The following DPT variants were observed in gnomAD, a reference collection of about 807,000 sequenced individuals.
The protein encoded by DPT is tyrosine-rich acidic matrix protein.
DPT carries 21 observed loss-of-function variants against 31.2 expected under a neutral mutation model. The observed-to-expected ratio is 0.67, with a 90% confidence interval of 0.48 to 0.97. DPT has a LOEUF of 0.97. Among genes scored for constraint, DPT ranks in the 50% least tolerant of loss-of-function variants. DPT has a pLI of 0.00. For missense variants in DPT, 262 were observed against 258.8 expected, an observed-to-expected ratio of 1.01 and a Z score of -0.08; for synonymous variants, 91 against 86.9, an observed-to-expected ratio of 1.05 and a Z score of -0.26.
chr1:168,727,099 T>G (rs575842406), intron 1 of DPT, among the ~76,000 whole-genome samples: 1 of 152,224 alleles, frequency 6.6e-6, no homozygotes, highest in Admixed American at 6.5e-5. Flanking sequence ...GAGGAAGAAC[T>G]GCCCTGAATC....
chr1:168,728,335 C>T (rs981150203), intron 1 of DPT, among the ~76,000 whole-genome samples: 13 of 152,170 alleles, frequency 8.5e-5, no homozygotes, highest in Non-Finnish European at 1.2e-4. Flanking sequence ...ATGTCCTTGT[C>T]CCCTCTTTTC....
chr1:168,723,252 T>G (rs1650163534), intron 1 of DPT, among the ~76,000 whole-genome samples: 2 of 152,250 alleles, frequency 1.3e-5, no homozygotes, highest in Non-Finnish European at 1.5e-5. Flanking sequence ...CACTGTGGAA[T>G]CAGGCTGGCT....
In DPT at chr1:168,696,578, C is replaced by A. The variant is rs1649471576; in HGVS notation, c.577G>T (p.Glu193Ter). ...QWKFIMCRMT[E>*]YDCEFANV The stretch of plus-strand genomic sequence containing the variant: ...ACATTTGCAAATTCACAGTCGTATT[C>A]AGTCATCCGGCACATTATGAACTTC... The change falls in exon 4 of 4, where the codon GAA (glutamate) becomes TAA (stop). Residue 193 changes from glutamate to a stop codon, truncating the protein, a stop_gained. Transcript: ENST00000367817. LOFTEE classifies it high-confidence loss of function. 3.1e-6 allele frequency: 5 copies of A among 1,614,066 alleles called. No homozygotes were observed. The highest frequency in any genetic ancestry group is 4.2e-6 in the Non-Finnish European group (5 of 1,179,988).
intron 2 of DPT, among the ~76,000 whole-genome samples, chr1:168,704,008 A>G (rs1328601655): frequency 6.6e-6 from 1 of 152,222 alleles, no homozygotes; most frequent in Non-Finnish European, 1.5e-5. Context: ...AAAAGAATTT[A>G]AACGTTCAGA....
intron 1 of DPT, among the ~76,000 whole-genome samples, chr1:168,727,302 T>C (rs1200978130): frequency 1.3e-5 from 2 of 152,204 alleles, no homozygotes; most frequent in African/African-American, 4.8e-5. Context: ...TTTGTCTACC[T>C]ATAAATGGGA....
Position 168,696,317 on chromosome 1 carries a change from G to T in DPT, c.*232C>A. 1.7e-6 allele frequency: 1 copy of T among 579,592 alleles called. No homozygotes were observed. The highest frequency in any genetic ancestry group is 2.3e-5 in the South Asian group (1 of 43,532). 35.9% of individuals were successfully genotyped at this position (579,592 alleles called of 1,614,324 possible). ...AGGAAGCCATCATCAGTCATATAAA[G>T]CAGTTGCTATGAAACATGTGAAAAG... On this transcript the variant is annotated 3_prime_UTR_variant, in exon 4 of 4. Transcript: ENST00000367817.
rs558625036 is a variant in DPT, at chr1:168,714,456, C to A, written c.306-110G>T. ...CTCTTTCTCTGACCTAGATTCTTAA[C>A]AATTTATTCCATTTTATGCAAATAA... On this transcript the variant is annotated intron_variant, in intron 1 of 3. Coordinates refer to ENST00000367817, the MANE Select transcript of DPT (RefSeq NM_001937.5). The A allele has an allele frequency of 9.2e-6, 12 of 1,299,108 alleles. No individual in the cohort carries two copies. The Admixed American group carries it at 2.4e-4, about 26-fold the overall frequency. The allele number at this position is 1,299,108 out of a possible 1,614,324, so 80.5% of individuals were successfully genotyped here. A position where few individuals can be genotyped will look rare whatever the true frequency, so the allele number is the denominator to read the frequency against.
At chr1:168,712,119 C>A (rs1056704255) in intron 2 of DPT, among the ~76,000 whole-genome samples, 2 of 152,150 alleles carry the variant, frequency 1.3e-5, no homozygotes, top group Non-Finnish European at 2.9e-5. Flanking sequence ...ATTGAAAATA[C>A]AAAGATCAGT....
intron 2 of DPT, among the ~76,000 whole-genome samples, chr1:168,713,128 C>T (rs1649903670): frequency 6.6e-6 from 1 of 152,168 alleles, no homozygotes; most frequent in South Asian, 2.1e-4. Context: ...ATCTTTAGGT[C>T]TTTGGTTCAG....
At chr1:168,728,113 T>C (rs757691502) in intron 1 of DPT, among the ~76,000 whole-genome samples, 1 of 152,110 alleles carries the variant, frequency 6.6e-6, no homozygotes, top group Non-Finnish European at 1.5e-5. Flanking sequence ...CACAAAAAAG[T>C]ACAAGCTCGA....
chr1:168,725,381 C>T (rs556159493), intron 1 of DPT, among the ~76,000 whole-genome samples: 1 of 150,944 alleles, frequency 6.6e-6, no homozygotes, highest in African/African-American at 2.4e-5. Context: ...AATGAGATAC[C>T]GAATGTCACA....
rs181060724 is a variant in DPT, at chr1:168,726,913, G to T, written c.305+1957C>A. ...GGGTGGATGAGAATGGCCCACAAAG[G>T]CTGTCCAAGCAGCCTCCACAGCCCC... is the stretch of plus-strand genomic sequence containing the variant. On this transcript the variant is annotated intron_variant, in intron 1 of 3. Transcript: ENST00000367817. 1.8e-4 allele frequency among the ~76,000 whole-genome samples: 27 copies of T among 152,330 alleles called. No individual in the cohort carries two copies. The East Asian group carries it at 3.7e-3, about 21-fold the overall frequency.
rs536253732 is a variant in DPT at position 168,706,886 on chromosome 1, T to C, written c.432-5762A>G. ...CATTCACTTTGACTCGTGTTGATTT[T>C]CATTAGCCACATTATGTGGTGGTCA... is the stretch of plus-strand genomic sequence containing the variant. On this transcript the variant is annotated intron_variant, in intron 2 of 3. Coordinates refer to ENST00000367817, the MANE Select transcript of DPT (RefSeq NM_001937.5). Among the ~76,000 whole-genome samples the C allele has an allele frequency of 3.9e-5, 6 of 152,340 alleles. 1 individual carries two copies. The South Asian group carries it at 1.2e-3, about 32-fold the overall frequency.
At chr1:168,716,122 A>C (rs1299440323) in intron 1 of DPT, among the ~76,000 whole-genome samples, 1 of 152,240 alleles carries the variant, frequency 6.6e-6, no homozygotes, top group Non-Finnish European at 1.5e-5. Flanking sequence ...TTAGATATTA[A>C]ATATATTACT....
At chr1:168,703,224 C>T (rs1649642454) in intron 2 of DPT, among the ~76,000 whole-genome samples, 1 of 152,176 alleles carries the variant, frequency 6.6e-6, no homozygotes, top group South Asian at 2.1e-4. Context: ...TACAGCAACA[C>T]TGCATTAAGC....
At chr1:168,700,675 T>C (rs951404074) in intron 3 of DPT, among the ~76,000 whole-genome samples, 6 of 152,188 alleles carry the variant, frequency 3.9e-5, no homozygotes, top group Non-Finnish European at 8.8e-5. Context: ...TTTAGGACTC[T>C]CTGCTCTTGA....
intron 1 of DPT, among the ~76,000 whole-genome samples, chr1:168,722,849 AACACACACACACAC>A (rs10585221): frequency 0.12 from 18,405 of 149,780 alleles, 1,743 homozygotes; most frequent in East Asian, 0.44. Context: ...CCCTCAAAGA[AACACACACACACAC>A]ACACACACAC....
chr1:168,715,054 T>C (rs1366171132), intron 1 of DPT, among the ~76,000 whole-genome samples: 1 of 152,122 alleles, frequency 6.6e-6, no homozygotes, highest in Non-Finnish European at 1.5e-5. Flanking sequence ...AGGCAGTCCT[T>C]ACAGAGTTGC....
At chr1:168,706,747 C>A (rs1649723617) in intron 2 of DPT, among the ~76,000 whole-genome samples, 1 of 152,194 alleles carries the variant, frequency 6.6e-6, no homozygotes, top group Non-Finnish European at 1.5e-5. Flanking sequence ...ATAACAGTTC[C>A]AGGGATATCT....
Sources: allele counts gnomAD v4.1 joint callset (sites outside exome capture counted in the v4.1 genomes callset), GRCh38; gene constraint gnomAD v4.1.1; transcripts MANE v1.5; gene names NCBI Gene and HGNC (gene_info 2026-07-23, HGNC 2026-07-21).